Variants in ENPP2 observed in about 807,000 individuals in gnomAD.
The protein encoded by ENPP2 is autotaxin.
ENPP2 carries 51 observed loss-of-function variants against 120.2 expected under a neutral mutation model. The ratio of observed to expected loss-of-function variants is 0.42; its 90% CI spans 0.34 to 0.54. ENPP2 has a LOEUF of 0.54. ENPP2 is among the 20% of genes least tolerant of loss of function. The pLI, the probability that ENPP2 is intolerant of heterozygous loss-of-function variation, is 0.04. For missense variants in ENPP2, 920 were observed against 1,066.5 expected (o/e 0.86, Z 1.91); for synonymous variants, 365 against 366.4 (o/e 1.00, Z 0.04).
At chr8:119,634,736 G>A in intron 2 of ENPP2, among the ~76,000 whole-genome samples, 1 of 152,076 alleles carries the variant, frequency 6.6e-6, no homozygotes, top group East Asian at 1.9e-4. Flanking sequence ...AATTTTAGAA[G>A]TTCTTTTCAA....
intron 1 of ENPP2, among the ~76,000 whole-genome samples, chr8:119,648,851 A>G (rs932891393): frequency 2.6e-5 from 4 of 152,214 alleles, no homozygotes; most frequent in Non-Finnish European, 5.9e-5. Context: ...TACCACTTCT[A>G]GTCAACTTTG....
Position 119,590,642 on chromosome 8 carries a change from GAGAAAA to G in ENPP2, c.1082-18_1082-13del. ...GACATCTTCCATTCCTATGGGGAGG[GAGAAAA>G]AGAATATTTTCAGGCAAGACTAAAA... On this transcript the variant is annotated splice_polypyrimidine_tract_variant and intron_variant, in intron 12 of 24. Transcript: ENST00000075322. 6.8e-7 allele frequency: 1 copy of G among 1,469,604 alleles called. No individual in the cohort carries two copies. The highest frequency in any genetic ancestry group is 1.4e-5 in the South Asian group (1 of 69,216). The allele number at this position is 1,469,604 out of a possible 1,614,324, so 91.0% of individuals were successfully genotyped here.
chr8:119,671,439 C>T (rs1818244712), intron 1 of ENPP2, among the ~76,000 whole-genome samples: 1 of 152,074 alleles, frequency 6.6e-6, no homozygotes, highest in South Asian at 2.1e-4. Context: ...ATAAGTATAA[C>T]AGTGGTGGGG....
intron 1 of ENPP2, among the ~76,000 whole-genome samples, chr8:119,670,614 C>T (rs962485614): frequency 1.4e-4 from 21 of 152,168 alleles, no homozygotes; most frequent in Non-Finnish European, 1.0e-4. Context: ...TCTGGGGGAA[C>T]AAGAGAGGGC....
upstream of ENPP2, among the ~76,000 whole-genome samples, chr8:119,640,153 A>T (rs1817233403): frequency 6.6e-6 from 1 of 152,224 alleles, no homozygotes; most frequent in African/African-American, 2.4e-5. Context: ...TCTAATTGAA[A>T]AAAAGAAAAT....
At chr8:119,560,674 G>A (rs2129890469) in intron 24 of ENPP2, among the ~76,000 whole-genome samples, 1 of 152,134 alleles carries the variant, frequency 6.6e-6, no homozygotes, top group East Asian at 1.9e-4. Context: ...CATTTTCCTT[G>A]GGTACCTAAT....
chr8:119,587,013 G>A, intron 14 of ENPP2, 31 bp downstream of exon 14: 1 of 1,602,252 alleles, frequency 6.2e-7, no homozygotes, highest in Non-Finnish European at 8.5e-7. Context: ...GGCCTGGGCA[G>A]GGCAGAGGCG....
chr8:119,641,823 C>T (rs1047665062), upstream of ENPP2, among the ~76,000 whole-genome samples: 2 of 152,146 alleles, frequency 1.3e-5, no homozygotes, highest in Non-Finnish European at 2.9e-5. Context: ...ATAAGAACCA[C>T]GTTTATGGAG....
intron 15 of ENPP2, among the ~76,000 whole-genome samples, chr8:119,584,457 T>TA (rs922339082): frequency 3.0e-4 from 46 of 152,310 alleles, no homozygotes; most frequent in African/African-American, 1.1e-3. Flanking sequence ...GTTGGCACTT[T>TA]AAAAAAATGT....
chr8:119,602,085 T>C (rs1313714011), intron 9 of ENPP2, among the ~76,000 whole-genome samples: 1 of 152,174 alleles, frequency 6.6e-6, no homozygotes, highest in African/African-American at 2.4e-5. Flanking sequence ...CTACCTAACC[T>C]GAAACTTTAA....
At chr8:119,573,753 GAGC>G (rs1326488666) in intron 19 of ENPP2, among the ~76,000 whole-genome samples, 21 of 152,040 alleles carry the variant, frequency 1.4e-4, no homozygotes, top group Non-Finnish European at 2.6e-4. Context: ...AGGATGCAGT[GAGC>G]CAAGATCGTG....
chr8:119,648,708 A>G (rs1286999337), intron 1 of ENPP2, among the ~76,000 whole-genome samples: 1 of 152,226 alleles, frequency 6.6e-6, no homozygotes, highest in Non-Finnish European at 1.5e-5. Flanking sequence ...TCAACAAACT[A>G]GGAAGAGAGG....
rs141588494 is a variant in ENPP2 at position 119,584,989 on chromosome 8, T to C, written c.1368-940A>G. On this transcript the variant is annotated intron_variant, in intron 15 of 24. Transcript: ENST00000075322. ...GAGTTAAATTTAAAAGATGCATTGT[T>C]AACCAACATGCCTGGTTTTGGGCTA... Among the ~76,000 whole-genome samples, 11 of 152,338 alleles carry C rather than the reference T, an allele frequency of 7.2e-5. No individual in the cohort carries two copies. The East Asian group carries it at 2.1e-3, about 29-fold the overall frequency.
At chr8:119,664,566 T>G (rs1236920134) in intron 1 of ENPP2, among the ~76,000 whole-genome samples, 2 of 152,356 alleles carry the variant, frequency 1.3e-5, no homozygotes, top group East Asian at 3.9e-4. Context: ...TGTTACCAGC[T>G]GAAACCATGC....
intron 1 of ENPP2, among the ~76,000 whole-genome samples, chr8:119,655,786 C>T (rs374501694): frequency 3.9e-5 from 6 of 152,170 alleles, no homozygotes; most frequent in Admixed American, 1.3e-4. Context: ...ATACCTAGCA[C>T]GGGACAGATT....
At chr8:119,563,721 G>A (rs142715963) in intron 23 of ENPP2, among the ~76,000 whole-genome samples, 6 of 151,882 alleles carry the variant, frequency 4.0e-5, no homozygotes, top group African/African-American at 7.2e-5. Flanking sequence ...TTAAAATTAC[G>A]ATTTAACTAC....
chr8:119,621,255 A>G, intron 4 of ENPP2, 139 bp downstream of exon 4: 1 of 682,342 alleles, frequency 1.5e-6, no homozygotes, highest in East Asian at 2.8e-5. Context: ...ATGAAGAAGC[A>G]TGAGAAATTA....
At chr8:119,656,504 C>A (rs1817769866) in intron 1 of ENPP2, among the ~76,000 whole-genome samples, 1 of 152,150 alleles carries the variant, frequency 6.6e-6, no homozygotes, top group Non-Finnish European at 1.5e-5. Context: ...TAAGATTGAC[C>A]ATTCATTTAT....
chr8:119,662,380 A>T (rs1409725051), intron 1 of ENPP2, among the ~76,000 whole-genome samples: 1 of 152,214 alleles, frequency 6.6e-6, no homozygotes. Flanking sequence ...TTTTATTTAG[A>T]ATCTAGACCA....
Sources: allele counts gnomAD v4.1 joint callset (sites outside exome capture counted in the v4.1 genomes callset), GRCh38; gene constraint gnomAD v4.1.1; transcripts MANE v1.5; gene names NCBI Gene and HGNC (gene_info 2026-07-23, HGNC 2026-07-21).